The following PRKAR1A variants were observed in gnomAD, a reference collection of about 807,000 sequenced individuals.
The protein encoded by PRKAR1A is protein kinase cAMP-dependent type I regulatory subunit alpha, also known as cAMP-dependent protein kinase type I-alpha regulatory subunit.
In PRKAR1A, 3 loss-of-function variants were observed where a neutral mutation model predicts 52.0. The ratio of observed to expected loss-of-function variants is 0.06; its 90% confidence interval spans 0.03 to 0.15. PRKAR1A has a LOEUF of 0.15. Among genes scored for constraint, PRKAR1A ranks in the 10% least tolerant of loss-of-function variants. The probability of loss-of-function intolerance (pLI) is 1.00; values close to 1 mark genes in which losing one functional copy is unlikely to be tolerated. For synonymous variants in PRKAR1A, 188 were observed against 168.4 expected, an observed-to-expected ratio of 1.12 and a Z score of -0.90; for missense variants, 240 against 477.4, an observed-to-expected ratio of 0.50 and a Z score of 4.63.
chr17:68,505,955 A>T, the PRKAR1A span, among the ~76,000 whole-genome samples: 35 of 152,226 alleles, frequency 2.3e-4, no homozygotes, highest in African/African-American at 8.2e-4. Flanking sequence ...ATTTTCTGCC[A>T]ATTTTTTTGT....
intron 4 of PRKAR1A, 25 bp downstream of exon 4, chr17:68,523,841 C>T: frequency 2.5e-6 from 4 of 1,607,322 alleles, no homozygotes; most frequent in Non-Finnish European, 2.6e-6. Context: ...TTTCTTAACA[C>T]TATTTTTCAA....
At chr17:68,505,222 C>T in the PRKAR1A span, among the ~76,000 whole-genome samples, 1 of 152,102 alleles carries the variant, frequency 6.6e-6, no homozygotes, top group Non-Finnish European at 1.5e-5. Context: ...GGCTTGAGCC[C>T]GGAGGTTGCA....
At chr17:68,529,620 A>G (rs2085903696) in intron 9 of PRKAR1A, among the ~76,000 whole-genome samples, 1 of 152,220 alleles carries the variant, frequency 6.6e-6, no homozygotes, top group Non-Finnish European at 1.5e-5. Context: ...AAATGAATGT[A>G]TGTGGTATTT....
chr17:68,444,406 G>T, the PRKAR1A span: 1 of 1,261,098 alleles, frequency 7.9e-7, no homozygotes, highest in Non-Finnish European at 1.1e-6. Flanking sequence ...ACTGCTTCAC[G>T]TTCGCAATTT....
At chr17:68,505,254 G>A in the PRKAR1A span, among the ~76,000 whole-genome samples, 1 of 152,168 alleles carries the variant, frequency 6.6e-6, no homozygotes, top group Admixed American at 6.5e-5. Context: ...TCATGCCACT[G>A]CACTCCAGCT....
At chr17:68,478,201 C>T in the PRKAR1A span, among the ~76,000 whole-genome samples, 2 of 152,044 alleles carry the variant, frequency 1.3e-5, no homozygotes, top group Admixed American at 6.5e-5. Flanking sequence ...TGCCTGTATT[C>T]CCAGCACTTT....
chr17:68,424,861 A>G, the PRKAR1A span, among the ~76,000 whole-genome samples: 8 of 152,250 alleles, frequency 5.3e-5, no homozygotes, highest in Non-Finnish European at 1.2e-4. Context: ...TGGGTGACAG[A>G]GCAAGACTCC....
chr17:68,459,327 T>C, the PRKAR1A span, among the ~76,000 whole-genome samples: 5 of 152,230 alleles, frequency 3.3e-5, no homozygotes, highest in African/African-American at 1.2e-4. Flanking sequence ...TGCTACGTTG[T>C]TTGGAGAATT....
upstream of PRKAR1A, among the ~76,000 whole-genome samples, chr17:68,507,531 T>C (rs1249920081): frequency 6.6e-6 from 1 of 152,160 alleles, no homozygotes; most frequent in Non-Finnish European, 1.5e-5. Context: ...AGCTAATGCG[T>C]GTGGGTCTTA....
the PRKAR1A span, among the ~76,000 whole-genome samples, chr17:68,467,390 G>A: frequency 6.6e-6 from 1 of 152,122 alleles, no homozygotes; most frequent in Non-Finnish European, 1.5e-5. Flanking sequence ...AGCATACAGG[G>A]ACTCCAGTTT....
intron 11 of PRKAR1A, chr17:68,543,558 G>A (rs1417556780): frequency 1.5e-6 from 2 of 1,343,296 alleles, no homozygotes; most frequent in Admixed American, 1.7e-5. Context: ...CACCTTGAGG[G>A]TCTGTCTAGC....
intron 9 of PRKAR1A, among the ~76,000 whole-genome samples, 176 bp from the exon 10 acceptor site, chr17:68,529,744 G>C (rs970604771): frequency 6.6e-6 from 1 of 152,250 alleles, no homozygotes; most frequent in Non-Finnish European, 1.5e-5. Context: ...GAAGAACCTC[G>C]CTAGCAGGAG....
chr17:68,546,407 C>A (rs549754412), intron 11 of PRKAR1A, among the ~76,000 whole-genome samples: 81 of 152,114 alleles, frequency 5.3e-4, no homozygotes, highest in African/African-American at 1.8e-3. Flanking sequence ...TCCTTCCACG[C>A]ATCACAAATT....
At chr17:68,469,475 G>T in the PRKAR1A span, among the ~76,000 whole-genome samples, 1 of 152,120 alleles carries the variant, frequency 6.6e-6, no homozygotes, top group African/African-American at 2.4e-5. Context: ...TGAGGATGGG[G>T]TCTCCTGTCT....
chr17:68,535,587 C>T, downstream of PRKAR1A: 2 of 453,948 alleles, frequency 4.4e-6, no homozygotes, highest in Non-Finnish European at 8.8e-6. Flanking sequence ...AAGTGGGGAG[C>T]CCTATGCTGC....
At chr17:68,541,917 C>T in intron 11 of PRKAR1A, 1 of 1,529,518 alleles carries the variant, frequency 6.5e-7, no homozygotes. Flanking sequence ...AAGCTAGCAA[C>T]AAGTCCCTGG....
At chr17:68,485,477 T>C in the PRKAR1A span, among the ~76,000 whole-genome samples, 1 of 152,188 alleles carries the variant, frequency 6.6e-6, no homozygotes, top group Non-Finnish European at 1.5e-5. Flanking sequence ...TAGTGACCAC[T>C]TGTTATTTTG....
chr17:68,457,478 C>T, the PRKAR1A span: 106 of 1,353,610 alleles, frequency 7.8e-5, 1 homozygote, highest in Non-Finnish European at 6.1e-5. Flanking sequence ...CCTCAGCAGC[C>T]CGCCCGCGCC....
intron 1 of PRKAR1A, chr17:68,513,041 C>G (rs2085314789): frequency 6.6e-6 from 1 of 152,230 alleles, no homozygotes; most frequent in African/African-American, 2.4e-5. Flanking sequence ...CTCTTCATAG[C>G]GGAGTGATCT....
Sources: gnomAD v4.1 joint callset for allele counts (sites outside exome capture counted in the v4.1 genomes callset) on GRCh38, gnomAD v4.1.1 for gene constraint, MANE v1.5 for transcripts, NCBI Gene and HGNC (gene_info 2026-07-23, HGNC 2026-07-21) for gene names.